Variants in CEP112 observed in about 807,000 individuals in gnomAD.
The protein encoded by CEP112 is centrosomal protein 112, also known as centrosomal protein of 112 kDa.
In CEP112, 127 loss-of-function variants were observed where a neutral mutation model predicts 153.0. The observed-to-expected ratio is 0.83, with a 90% CI of 0.72 to 0.96. The LOEUF (loss-of-function observed/expected upper bound fraction) is 0.96, where lower values mean the gene tolerates loss of function less well. Ranked by LOEUF, CEP112 falls within the 40% of genes least tolerant of loss-of-function variation. CEP112 has a pLI of 0.00. For missense variants in CEP112, 1,089 were observed against 1,101.2 expected (o/e 0.99, Z 0.16); for synonymous variants, 358 against 374.4 (o/e 0.96, Z 0.51).
In CEP112 at chr17:66,045,449, A is replaced by T. The variant is rs78436808; in HGVS notation, c.1218+8287T>A. Among the ~76,000 whole-genome samples the T allele has an allele frequency of 6.7e-3, 1,020 of 152,284 alleles. 10 individuals are homozygous for T. The highest frequency in any genetic ancestry group is 0.023 in the African/African-American group (956 of 41,558). On this transcript the variant is annotated intron_variant, in intron 12 of 26. Transcript: ENST00000535342. The stretch of plus-strand genomic sequence containing the variant: ...CCTACTCTTGTTGAGCAGTGCCATA[A>T]ACTGGTATGACCACTTTGAAAAGCT...
At chr17:65,920,362 A>AATATATATATATATATATATATAT (rs55934550) in intron 19 of CEP112, among the ~76,000 whole-genome samples, 25 of 42,770 alleles carry the variant, frequency 5.8e-4, no homozygotes, top group South Asian at 8.2e-4. Flanking sequence ...AAACAAACAA[A>AATATATATATATATATATATATAT]ATATATATAT....
intron 21 of CEP112, among the ~76,000 whole-genome samples, chr17:65,838,975 C>G (rs1294160162): frequency 6.6e-6 from 1 of 152,088 alleles, no homozygotes; most frequent in Non-Finnish European, 1.5e-5. Context: ...AAAACCAGAA[C>G]AGACCAGTAA....
intron 24 of CEP112, among the ~76,000 whole-genome samples, chr17:65,659,710 T>C (rs1352743314): frequency 6.6e-6 from 1 of 152,200 alleles, no homozygotes; most frequent in Non-Finnish European, 1.5e-5. Context: ...GAGTGTGACG[T>C]CATCAAAATA....
intron 6 of CEP112, among the ~76,000 whole-genome samples, chr17:66,099,682 A>G (rs1378725833): frequency 6.6e-6 from 1 of 152,166 alleles, no homozygotes; most frequent in Non-Finnish European, 1.5e-5. Context: ...TTACTTGTTC[A>G]GAAAAATCTA....
intron 21 of CEP112, among the ~76,000 whole-genome samples, chr17:65,789,836 G>C (rs1234033847): frequency 6.6e-6 from 1 of 152,064 alleles, no homozygotes; most frequent in Non-Finnish European, 1.5e-5. Context: ...TAAGGGGAGG[G>C]GGAATATGTT....
chr17:66,065,586 TACTTAATCTAGCCCCAAGTCA>T (rs1179747740), intron 10 of CEP112, among the ~76,000 whole-genome samples: 5 of 152,032 alleles, frequency 3.3e-5, no homozygotes, highest in Admixed American at 3.3e-4. Context: ...TTCAAGGTCA[TACTTAATCTAGCCCCAAGTCA>T]ACTATCTTAA....
At chr17:65,967,199 T>C (rs1050098281) in intron 17 of CEP112, among the ~76,000 whole-genome samples, 6 of 152,140 alleles carry the variant, frequency 3.9e-5, no homozygotes, top group African/African-American at 1.4e-4. Context: ...ACACCAGTCT[T>C]AAAAAACCAT....
At chr17:66,130,285 G>C (rs909571052) in intron 5 of CEP112, among the ~76,000 whole-genome samples, 4 of 151,896 alleles carry the variant, frequency 2.6e-5, no homozygotes, top group Non-Finnish European at 5.9e-5. Context: ...TTTACAAAAA[G>C]TTTTAATTGT....
chr17:65,727,089 T>C (rs1167842708), intron 23 of CEP112, among the ~76,000 whole-genome samples: 3 of 152,218 alleles, frequency 2.0e-5, no homozygotes, highest in African/African-American at 7.2e-5. Flanking sequence ...GAGGCCACAC[T>C]GGTTTATACT....
intron 19 of CEP112, among the ~76,000 whole-genome samples, chr17:65,923,541 T>A (rs55788573): frequency 0.37 from 56,079 of 152,022 alleles, 12,047 homozygotes; most frequent in Non-Finnish European, 0.5. Flanking sequence ...CAAGACCCCA[T>A]CTCTAAGAAA....
At position 65,815,917 on chromosome 17, in the gene CEP112, C is replaced by T. The variant is rs556264182; in HGVS notation, c.2394+35887G>A. ...GATTCCTTTTATCTCATGTAGATGA[C>T]ATGTCTGCAAATAGACAGTTTTACT... is the stretch of plus-strand genomic sequence containing the variant. On this transcript the variant is annotated intron_variant, in intron 21 of 26. Transcript: ENST00000535342. Among the ~76,000 whole-genome samples, 4 of 152,162 alleles carry T rather than the reference C, an allele frequency of 2.6e-5. No homozygotes were observed. In the South Asian group the frequency reaches 8.3e-4, roughly 32 times the overall value.
intron 23 of CEP112, among the ~76,000 whole-genome samples, chr17:65,702,568 T>C (rs1370401737): frequency 6.6e-6 from 1 of 152,160 alleles, no homozygotes; most frequent in East Asian, 1.9e-4. Context: ...TCACAGTATA[T>C]TGTTGTAATT....
At chr17:66,099,033 G>T (rs1386460567) in intron 6 of CEP112, among the ~76,000 whole-genome samples, 2 of 152,128 alleles carry the variant, frequency 1.3e-5, no homozygotes, top group African/African-American at 4.8e-5. Flanking sequence ...GCCAGAGATG[G>T]GCACAAAACA....
chr17:65,664,631 T>A (rs892501911), intron 24 of CEP112, among the ~76,000 whole-genome samples: 2 of 152,164 alleles, frequency 1.3e-5, no homozygotes, highest in South Asian at 2.1e-4. Flanking sequence ...GACTTGGTGA[T>A]GAAATAGTTA....
At chr17:65,920,556 C>A (rs9675105) in intron 19 of CEP112, among the ~76,000 whole-genome samples, 1 of 149,038 alleles carries the variant, frequency 6.7e-6, no homozygotes, top group Non-Finnish European at 1.5e-5. Context: ...TTTTATCACA[C>A]AGACCAAGCC....
chr17:66,076,527 T>C (rs2067504864), intron 8 of CEP112, among the ~76,000 whole-genome samples: 1 of 152,096 alleles, frequency 6.6e-6, no homozygotes, highest in Admixed American at 6.5e-5. Context: ...ACCTCACCCC[T>C]ATCCCCCACA....
intron 6 of CEP112, among the ~76,000 whole-genome samples, chr17:66,117,426 T>A (rs2069352994): frequency 1.3e-5 from 2 of 151,776 alleles, no homozygotes; most frequent in South Asian, 4.2e-4. Context: ...AAAAAAAAAA[T>A]AAAATGTTGC....
chr17:65,906,699 A>C (rs2060097000), intron 19 of CEP112, among the ~76,000 whole-genome samples: 1 of 152,184 alleles, frequency 6.6e-6, no homozygotes, highest in Non-Finnish European at 1.5e-5. Flanking sequence ...ATACCGAGTA[A>C]GAAAGTTTTC....
In CEP112 at chr17:66,017,733, G is replaced by A. The variant is rs146290514; in HGVS notation, c.1656+9768C>T. Among the ~76,000 whole-genome samples, 342 of 152,136 alleles carry A rather than the reference G, an allele frequency of 2.2e-3. 1 individual carries two copies. Among genetic ancestry groups the A allele is most frequent in the African/African-American group, 8.0e-3 (332 of 41,508 alleles). On this transcript the variant is annotated intron_variant, in intron 16 of 26. Transcript: ENST00000535342. ...ATCCTTGTTTGTGCTGGGCGCAGTC[G>A]CTCACACCTGCAATTCCTGCACTTT...
Sources: gnomAD v4.1 joint callset for allele counts (sites outside exome capture counted in the v4.1 genomes callset) on GRCh38, gnomAD v4.1.1 for gene constraint, MANE v1.5 for transcripts, NCBI Gene and HGNC (gene_info 2026-07-23, HGNC 2026-07-21) for gene names.